The following ZNF438 variants were observed in gnomAD, a reference collection of about 807,000 sequenced individuals.
ZNF438 encodes zinc finger protein 438.
In ZNF438, 25 loss-of-function variants were observed where a neutral mutation model predicts 38.0. The ratio of observed to expected loss-of-function variants is 0.66; its 90% confidence interval spans 0.48 to 0.92. ZNF438 has a LOEUF of 0.92. Ranked by LOEUF, ZNF438 falls within the 40% of genes least tolerant of loss-of-function variation. ZNF438 has a pLI of 0.00. For synonymous variants in ZNF438, 372 were observed against 364.1 expected (o/e 1.02, Z -0.25); for missense variants, 1,007 against 999.6 (o/e 1.01, Z -0.10).
At chr10:30,891,874 G>C (rs984036362) in intron 3 of ZNF438, among the ~76,000 whole-genome samples, 2 of 152,146 alleles carry the variant, frequency 1.3e-5, no homozygotes, top group Non-Finnish European at 2.9e-5. Context: ...GGAATTTCTA[G>C]CCTGGATTTC....
At chr10:30,919,008 T>C (rs943740206) in intron 2 of ZNF438, 4 of 152,216 alleles carry the variant, frequency 2.6e-5, no homozygotes, top group Admixed American at 6.5e-5. Context: ...TTTAAGCTCT[T>C]AGATAAAATT....
At chr10:31,017,323 G>T (rs1341661553) in intron 1 of ZNF438, among the ~76,000 whole-genome samples, 1 of 152,136 alleles carries the variant, frequency 6.6e-6, no homozygotes, top group Non-Finnish European at 1.5e-5. Flanking sequence ...TATCCTTTCT[G>T]GTCATACATG....
chr10:30,985,316 G>A (rs911144420), intron 1 of ZNF438, among the ~76,000 whole-genome samples: 3 of 152,178 alleles, frequency 2.0e-5, no homozygotes, highest in Non-Finnish European at 4.4e-5. Context: ...ACAGGACAGA[G>A]AAAGTGTTTT....
At chr10:31,011,630 G>A (rs762559957) in intron 1 of ZNF438, among the ~76,000 whole-genome samples, 3 of 152,158 alleles carry the variant, frequency 2.0e-5, no homozygotes, top group Non-Finnish European at 4.4e-5. Context: ...TGGAGTGGGT[G>A]TGTCTGCTTA....
intron 3 of ZNF438, among the ~76,000 whole-genome samples, chr10:30,887,446 C>T (rs2040099731): frequency 2.0e-5 from 3 of 151,604 alleles, no homozygotes; most frequent in African/African-American, 7.3e-5. Context: ...GGTCTCGGCT[C>T]ACTGTACTCC....
chr10:30,901,428 T>C (rs2041969689), intron 3 of ZNF438, among the ~76,000 whole-genome samples: 1 of 151,376 alleles, frequency 6.6e-6, no homozygotes, highest in Non-Finnish European at 1.5e-5. Flanking sequence ...AGTTTGTTCC[T>C]TCTGATGTTC....
chr10:30,924,804 A>G (rs1288770355), intron 2 of ZNF438, among the ~76,000 whole-genome samples: 1 of 152,210 alleles, frequency 6.6e-6, no homozygotes, highest in Non-Finnish European at 1.5e-5. Context: ...GCAATGTGGT[A>G]TCCTGGGTTA....
intron 2 of ZNF438, among the ~76,000 whole-genome samples, chr10:30,934,765 T>C (rs994712117): frequency 1.3e-5 from 2 of 152,238 alleles, no homozygotes; most frequent in Admixed American, 6.5e-5. Context: ...ATTTCTTCAG[T>C]ATCTATCAGA....
chr10:31,000,861 T>G (rs968547402), intron 1 of ZNF438, among the ~76,000 whole-genome samples: 4 of 152,128 alleles, frequency 2.6e-5, no homozygotes, highest in African/African-American at 9.7e-5. Flanking sequence ...TCATGTCATA[T>G]CCCTCTCCAA....
At chr10:30,890,087 AAAAAAAAAAAAAAAAAG>A (rs1271842020) in intron 3 of ZNF438, among the ~76,000 whole-genome samples, 2 of 149,212 alleles carry the variant, frequency 1.3e-5, no homozygotes, top group Admixed American at 6.6e-5. Context: ...CATTTCCAAA[AAAAAAAAAAAAAAAAAG>A]AAAAAAAAAG....
At chr10:30,902,026 A>T (rs1234075305) in intron 3 of ZNF438, among the ~76,000 whole-genome samples, 1 of 50,564 alleles carries the variant, frequency 2.0e-5, no homozygotes, top group Non-Finnish European at 5.2e-5. Context: ...CTTCGCAGTG[A>T]GTGTTACAGC....
At chr10:30,906,527 T>C (rs1040569506) in intron 3 of ZNF438, among the ~76,000 whole-genome samples, 8 of 152,166 alleles carry the variant, frequency 5.3e-5, no homozygotes, top group Non-Finnish European at 1.0e-4. Context: ...ATAGAGAACG[T>C]TTTTCTTCTG....
intron 3 of ZNF438, among the ~76,000 whole-genome samples, chr10:30,885,571 G>A (rs1267938972): frequency 6.6e-6 from 1 of 152,174 alleles, no homozygotes; most frequent in East Asian, 1.9e-4. Flanking sequence ...AGAAAATTAA[G>A]CATCTTGCTC....
exon 2 of ZNF438, chr10:30,941,585 T>C (rs1174773034): frequency 3.3e-5 from 5 of 152,214 alleles, no homozygotes; most frequent in Non-Finnish European, 1.5e-5. Flanking sequence ...CTGAAGTGAT[T>C]TGACTTAGCA....
intron 1 of ZNF438, among the ~76,000 whole-genome samples, chr10:30,954,216 G>A (rs1253683446): frequency 6.6e-6 from 1 of 152,178 alleles, no homozygotes; most frequent in Non-Finnish European, 1.5e-5. Context: ...GTTGAAAGTG[G>A]TGGTCTCCTT....
chr10:30,972,987 G>A (rs555510549), intron 1 of ZNF438, among the ~76,000 whole-genome samples: 1 of 152,236 alleles, frequency 6.6e-6, no homozygotes, highest in East Asian at 1.9e-4. Context: ...TTCATCATCA[G>A]CTGAATACAG....
intron 4 of ZNF438, among the ~76,000 whole-genome samples, chr10:30,854,740 C>T (rs763043307): frequency 2.6e-5 from 4 of 151,892 alleles, no homozygotes; most frequent in African/African-American, 9.7e-5. Flanking sequence ...AAATAGTCAA[C>T]GAAACAAGCA....
At chr10:30,931,440 C>T (rs2045685861) in intron 2 of ZNF438, among the ~76,000 whole-genome samples, 1 of 152,214 alleles carries the variant, frequency 6.6e-6, no homozygotes, top group Non-Finnish European at 1.5e-5. Context: ...CTGATGAACA[C>T]ATCATTGAAT....
chr10:30,900,080 T>C (rs1003065114), intron 3 of ZNF438, among the ~76,000 whole-genome samples: 2 of 152,150 alleles, frequency 1.3e-5, no homozygotes, highest in East Asian at 3.8e-4. Flanking sequence ...ACCATCTGTG[T>C]CATAACTACT....
Sources: allele counts gnomAD v4.1 joint callset (sites outside exome capture counted in the v4.1 genomes callset), GRCh38; gene constraint gnomAD v4.1.1; transcripts MANE v1.5; gene names NCBI Gene and HGNC (gene_info 2026-07-23, HGNC 2026-07-21).